Variants in POR observed in about 807,000 individuals in gnomAD.
POR encodes the protein cytochrome p450 oxidoreductase.
POR carries 56 observed loss-of-function variants against 84.0 expected under a neutral mutation model. The ratio of observed to expected loss-of-function variants is 0.67; its 90% CI spans 0.54 to 0.83. The LOEUF is 0.83. POR is among the 40% of genes least tolerant of loss of function. The probability of loss-of-function intolerance (pLI) is 0.00; values close to 1 mark genes in which losing one functional copy is unlikely to be tolerated. For missense variants in POR, 938 were observed against 944.3 expected, an observed-to-expected ratio of 0.99 and a Z score of 0.09; for synonymous variants, 414 against 400.5, an observed-to-expected ratio of 1.03 and a Z score of -0.40.
At position 75,979,513 on chromosome 7, in the gene POR, C is replaced by A. The variant is rs782001274; in HGVS notation, c.300C>A (p.Arg100=). 21 of 1,613,388 alleles carry A rather than the reference C, an allele frequency of 1.3e-5. No homozygotes were observed. The South Asian group carries it at 2.2e-4, about 17-fold the overall frequency. Residue 100 remains arginine, a synonymous_variant, in exon 4 of 16, where the codon CGC becomes CGA. Transcript: ENST00000461988. The stretch of plus-strand genomic sequence containing the variant: ...GGACTGCAGAGGAGTTTGCCAACCG[C>A]CTGTCCAAGGACGCCCACCGCTACG...
At chr7:75,981,278 C>T (rs1789025714) in intron 6 of POR, 106 bp downstream of exon 6, 3 of 1,419,094 alleles carry the variant, frequency 2.1e-6, no homozygotes, top group African/African-American at 1.4e-5. Context: ...CAGCGACACG[C>T]ACCTCCAACA....
chr7:75,977,244 A>AGG (rs1373471503), intron 3 of POR, among the ~76,000 whole-genome samples: 2 of 152,204 alleles, frequency 1.3e-5, no homozygotes, highest in African/African-American at 4.8e-5. Flanking sequence ...CACACAGGGA[A>AGG]GGGGGTACTT....
At chr7:75,954,908 A>T (rs1336924127) in intron 2 of POR, among the ~76,000 whole-genome samples, 1 of 151,970 alleles carries the variant, frequency 6.6e-6, no homozygotes, top group Non-Finnish European at 1.5e-5. Context: ...GGGTCTCACC[A>T]TGTTGGCCAG....
Position 75,958,804 on chromosome 7 carries a change from C to T in POR, c.188+4624C>T, listed in dbSNP as rs1037843879. 2.6e-5 allele frequency among the ~76,000 whole-genome samples: 3 copies of T among 114,170 alleles called. No individual in the cohort carries two copies. The Admixed American group carries it at 3.1e-4, about 12-fold the overall frequency. The allele number at this position is 114,170 out of a possible 152,430, so 74.9% of individuals were successfully genotyped here. A position where few individuals can be genotyped will look rare whatever the true frequency, so the allele number is the denominator to read the frequency against. Reference sequence around the variant, plus strand: ...GACCAGCCTGAGCAACATAGGGAGACCCCCACCCCCCCGCCATCTCTACAA... The same window carrying T: ...GACCAGCCTGAGCAACATAGGGAGATCCCCACCCCCCCGCCATCTCTACAA... On this transcript the variant is annotated intron_variant, in intron 2 of 15. Coordinates refer to ENST00000461988, the MANE Select transcript of POR (RefSeq NM_000941.3).
At chr7:75,981,782 T>G (rs1789062500) in intron 7 of POR, 176 bp downstream of exon 7, 4 of 613,752 alleles carry the variant, frequency 6.5e-6, no homozygotes, top group Admixed American at 6.0e-5. Context: ...TGCTCTGCAC[T>G]GCCCTGGGGC....
chr7:75,983,834 C>T lies in POR; in HGVS notation c.1044C>T (p.Val348=). 3 of 1,610,060 alleles carry T rather than the reference C, an allele frequency of 1.9e-6. No individual in the cohort carries two copies. Among genetic ancestry groups the T allele is most frequent in the Non-Finnish European group, 2.5e-6 (3 of 1,178,618 alleles). ...TCCTGGGTGCCGACCTGGACGTCGT[C>T]ATGTCCCTGAACAACCTGGATGGTG... The change falls in exon 10 of 16, where the codon GTC becomes GTT. Residue 348 remains valine, a synonymous_variant. Coordinates refer to ENST00000461988, the MANE Select transcript of POR (RefSeq NM_000941.3).
chr7:75,933,024 G>GAA lies in POR; in HGVS notation c.-5+17859_-5+17860dup, dbSNP rs782591942. On this transcript the variant is annotated intron_variant, in intron 1 of 15. Coordinates refer to ENST00000461988, the MANE Select transcript of POR (RefSeq NM_000941.3). ...GCAACAACAGAGCGAGACTCCATCT[G>GAA]AAAAAAAAAAAAAAAGGAAAAGTAT... Among the ~76,000 whole-genome samples the GAA allele has an allele frequency of 9.6e-3, 891 of 92,644 alleles. 8 individuals are homozygous for GAA. Among genetic ancestry groups the GAA allele is most frequent in the African/African-American group, 0.033 (841 of 25,428 alleles). 60.8% of individuals were successfully genotyped at this position (92,644 alleles called of 152,430 possible).
At chr7:75,981,479 TC>T (rs1554557900) in intron 6 of POR, 37 bp from the exon 7 acceptor site, 2 of 1,574,664 alleles carry the variant, frequency 1.3e-6, no homozygotes, top group Non-Finnish European at 8.7e-7. Context: ...CACATGGGCC[TC>T]CCCTGAGCCG....
At position 75,980,588 on chromosome 7, in the gene POR, C is replaced by T. The variant is rs1554557613; in HGVS notation, c.516+100C>T. ...TGAAAGGCAGCCCTCCAGACCCCCA[C>T]CCTGTCCTCAGCAGCCAGGGCAGGC... On this transcript the variant is annotated intron_variant, in intron 5 of 15. Coordinates refer to ENST00000461988, the MANE Select transcript of POR (RefSeq NM_000941.3). The T allele has an allele frequency of 1.9e-6, 3 of 1,609,512 alleles. 1 individual carries two copies. The South Asian group carries it at 3.3e-5, about 18-fold the overall frequency.
chr7:75,966,241 C>A (rs571040555), intron 2 of POR, among the ~76,000 whole-genome samples: 2 of 152,326 alleles, frequency 1.3e-5, no homozygotes, highest in East Asian at 1.9e-4. Context: ...TCACCTCCCC[C>A]TGCCTGTAGC....
intron 3 of POR, among the ~76,000 whole-genome samples, chr7:75,972,949 A>T (rs1430863471): frequency 2.6e-5 from 4 of 151,896 alleles, no homozygotes; most frequent in Non-Finnish European, 5.9e-5. Context: ...CAGCCTCCCG[A>T]GTAGCTGGGA....
chr7:75,981,728 C>T (rs1226391384), intron 7 of POR, 122 bp downstream of exon 7: 53 of 803,070 alleles, frequency 6.6e-5, no homozygotes, highest in Non-Finnish European at 9.5e-5. Flanking sequence ...GTCATAGGGT[C>T]GAGGAGGGAC....
intron 5 of POR, 171 bp from the exon 6 acceptor site, chr7:75,980,877 C>T (rs1788978614): frequency 1.9e-6 from 2 of 1,074,126 alleles, no homozygotes; most frequent in Admixed American, 2.9e-5. Flanking sequence ...CAGATGAAGC[C>T]TCTTCAGTGG....
chr7:75,932,410 G>T (rs1261489084), intron 1 of POR, among the ~76,000 whole-genome samples: 1 of 152,084 alleles, frequency 6.6e-6, no homozygotes, highest in Non-Finnish European at 1.5e-5. Flanking sequence ...TTGAACTCCT[G>T]AGCTTAAGCA....
intron 1 of POR, among the ~76,000 whole-genome samples, chr7:75,936,880 G>A (rs1198780032): frequency 2.1e-5 from 3 of 143,534 alleles, no homozygotes; most frequent in Admixed American, 7.1e-5. Flanking sequence ...AGGCTGGAGT[G>A]CAGTGGCGCG....
chr7:75,955,354 A>G (rs1554553608), intron 2 of POR, among the ~76,000 whole-genome samples: 1 of 152,242 alleles, frequency 6.6e-6, no homozygotes, highest in East Asian at 1.9e-4. Context: ...AAAAAATGAT[A>G]CCGAAGGTCT....
intron 1 of POR, among the ~76,000 whole-genome samples, chr7:75,944,650 G>A (rs1787099573): frequency 6.6e-6 from 1 of 152,142 alleles, no homozygotes; most frequent in Non-Finnish European, 1.5e-5. Context: ...AATGAGAAAA[G>A]AGAGTCAACA....
chr7:75,933,376 G>GTTTTTTTTTTT (rs200575911), intron 1 of POR, among the ~76,000 whole-genome samples: 3 of 92,112 alleles, frequency 3.3e-5, no homozygotes, highest in Non-Finnish European at 7.4e-5. Context: ...ATAGGTCTTT[G>GTTTTTTTTTTT]TTTTTTTTTT....
At chr7:75,942,737 T>A (rs1271586820) in intron 1 of POR, among the ~76,000 whole-genome samples, 1 of 151,638 alleles carries the variant, frequency 6.6e-6, no homozygotes, top group Non-Finnish European at 1.5e-5. Context: ...GTCTAGGAAT[T>A]GTATGGCGCA....
Sources: gnomAD v4.1 joint callset for allele counts (sites outside exome capture counted in the v4.1 genomes callset) on GRCh38, gnomAD v4.1.1 for gene constraint, MANE v1.5 for transcripts, NCBI Gene and HGNC (gene_info 2026-07-23, HGNC 2026-07-21) for gene names.